The following KREMEN1 variants were observed in gnomAD, a reference collection of about 807,000 sequenced individuals.
The protein encoded by KREMEN1 is kringle containing transmembrane protein 1.
KREMEN1 carries 30 observed loss-of-function variants against 46.5 expected under a neutral mutation model. The observed-to-expected ratio is 0.65, with a 90% CI of 0.48 to 0.88. The LOEUF (loss-of-function observed/expected upper bound fraction) is 0.88. Ranked by LOEUF, KREMEN1 falls within the 40% of genes least tolerant of loss-of-function variation. The pLI is 0.00. For synonymous variants in KREMEN1, 214 were observed against 230.6 expected (o/e 0.93, Z 0.65); for missense variants, 533 against 596.9 (o/e 0.89, Z 1.11).
chr22:29,112,586 A>AT (rs2038170158), intron 3 of KREMEN1, among the ~76,000 whole-genome samples: 1 of 152,192 alleles, frequency 6.6e-6, no homozygotes, highest in Admixed American at 6.5e-5. Context: ...CTCCTCCAAA[A>AT]TTTTTATCTT....
chr22:29,135,103 A>G (rs2038635309), intron 5 of KREMEN1, among the ~76,000 whole-genome samples: 1 of 152,126 alleles, frequency 6.6e-6, no homozygotes, highest in South Asian at 2.1e-4. Flanking sequence ...TCTGTGGTGG[A>G]TCTTGGGAAG....
intron 3 of KREMEN1, among the ~76,000 whole-genome samples, chr22:29,107,100 A>C (rs368540545): frequency 6.6e-6 from 1 of 152,280 alleles, no homozygotes; most frequent in East Asian, 1.9e-4. Flanking sequence ...CCCACTGCAC[A>C]AAACAGTTCG....
chr22:29,160,368 T>G (rs1244050165), intron 9 of KREMEN1, among the ~76,000 whole-genome samples: 1 of 61,320 alleles, frequency 1.6e-5, no homozygotes, highest in Admixed American at 2.2e-4. Flanking sequence ...CTGTCTCAAC[T>G]AAAAATACAA....
chr22:29,087,807 C>T (rs532831207), intron 1 of KREMEN1, among the ~76,000 whole-genome samples: 9 of 152,238 alleles, frequency 5.9e-5, no homozygotes, highest in South Asian at 2.1e-4. Flanking sequence ...TCAGGTGATC[C>T]GCACACCTTG....
downstream of KREMEN1, among the ~76,000 whole-genome samples, chr22:29,150,364 T>G (rs564134805): frequency 6.6e-6 from 1 of 152,238 alleles, no homozygotes; most frequent in Non-Finnish European, 1.5e-5. Flanking sequence ...TAGCTCTGGG[T>G]GACTGAGCGG....
chr22:29,103,230 G>T (rs1410962605), intron 3 of KREMEN1, among the ~76,000 whole-genome samples: 1 of 152,170 alleles, frequency 6.6e-6, no homozygotes, highest in Non-Finnish European at 1.5e-5. Flanking sequence ...CCTGTGACAT[G>T]ATCAGATTCC....
intron 9 of KREMEN1, among the ~76,000 whole-genome samples, chr22:29,155,275 C>G (rs2038951691): frequency 1.3e-5 from 2 of 152,204 alleles, no homozygotes; most frequent in African/African-American, 4.8e-5. Context: ...TTGCTTACGC[C>G]TGTAATCCCA....
At chr22:29,082,722 C>G (rs2037675166) in intron 1 of KREMEN1, among the ~76,000 whole-genome samples, 1 of 152,204 alleles carries the variant, frequency 6.6e-6, no homozygotes, top group South Asian at 2.1e-4. Context: ...TCAAGGTAAT[C>G]AAGTCCTTTA....
chr22:29,095,119 T>A (rs1724180151), intron 2 of KREMEN1, among the ~76,000 whole-genome samples: 2 of 152,038 alleles, frequency 1.3e-5, no homozygotes, highest in Non-Finnish European at 2.9e-5. Context: ...GACCCAAATC[T>A]CCCTCTGCTT....
At chr22:29,098,460 C>T (rs1394705408) in intron 2 of KREMEN1, among the ~76,000 whole-genome samples, 6 of 152,280 alleles carry the variant, frequency 3.9e-5, no homozygotes, top group East Asian at 1.9e-4. Context: ...CCCAAATTGC[C>T]GCTCTGACCA....
chr22:29,151,497 A>G (rs2038914643), downstream of KREMEN1, among the ~76,000 whole-genome samples: 2 of 152,180 alleles, frequency 1.3e-5, no homozygotes, highest in Admixed American at 1.3e-4. Context: ...GATGACTCCA[A>G]CAAGCCCTGG....
At chr22:29,094,507 G>A in intron 2 of KREMEN1, 87 bp downstream of exon 2, 4 of 1,221,882 alleles carry the variant, frequency 3.3e-6, no homozygotes, top group South Asian at 3.0e-5. Context: ...TCACAACTAG[G>A]GGAAGTCTTT....
intron 3 of KREMEN1, among the ~76,000 whole-genome samples, chr22:29,102,999 T>C (rs1213301436): frequency 6.6e-6 from 1 of 152,186 alleles, no homozygotes; most frequent in Non-Finnish European, 1.5e-5. Context: ...ATTGTACTTC[T>C]AGTGTGTCTG....
At chr22:29,129,695 T>C (rs944768112) in intron 5 of KREMEN1, among the ~76,000 whole-genome samples, 4 of 152,126 alleles carry the variant, frequency 2.6e-5, no homozygotes, top group South Asian at 2.1e-4. Context: ...GTTTGCTCTT[T>C]GGCAGACAGA....
Position 29,144,064 on chromosome 22 carries a change from C to T in KREMEN1, c.*1952C>T. The stretch of plus-strand genomic sequence containing the variant: ...CTTTGTCAACAGCAGCTGAGAAAAG[C>T]AGCCTGTGCCTCTGCTGGCCAGGCC... On this transcript the variant is annotated 3_prime_UTR_variant, in exon 9 of 9. Coordinates refer to ENST00000400335, the MANE Select transcript of KREMEN1 (RefSeq NM_001039570.3). 1 of 985,550 alleles carries T rather than the reference C, an allele frequency of 1.0e-6. No individual in the cohort carries two copies. Among genetic ancestry groups the T allele is most frequent in the Non-Finnish European group, 1.2e-6 (1 of 830,000 alleles). 61.1% of individuals were successfully genotyped at this position (985,550 alleles called of 1,614,324 possible).
At position 29,142,797 on chromosome 22, in the gene KREMEN1, A is replaced by T. The variant is rs1190254158; in HGVS notation, c.*685A>T. 13 of 985,308 alleles carry T rather than the reference A, an allele frequency of 1.3e-5. No individual in the cohort carries two copies. The highest frequency in any genetic ancestry group is 1.6e-5 in the Non-Finnish European group (13 of 829,942). 61.0% of individuals were successfully genotyped at this position (985,308 alleles called of 1,614,324 possible). ...ACCTTACACATGGGCTTCTTTCTAG[A>T]TTCTTCTTTCCATAGCTCATGGAGC... On this transcript the variant is annotated 3_prime_UTR_variant, in exon 9 of 9. Coordinates refer to ENST00000400335, the MANE Select transcript of KREMEN1 (RefSeq NM_001039570.3).
chr22:29,116,349 A>T (rs904521599), intron 3 of KREMEN1, among the ~76,000 whole-genome samples: 2 of 152,144 alleles, frequency 1.3e-5, no homozygotes, highest in Non-Finnish European at 2.9e-5. Context: ...ATATTGTAGG[A>T]GGTAGAATTG....
intron 7 of KREMEN1, 177 bp downstream of exon 7, chr22:29,138,959 G>A: frequency 2.2e-6 from 2 of 903,742 alleles, no homozygotes; most frequent in Non-Finnish European, 3.4e-6. Context: ...TTATTAGCTT[G>A]GTTCCTTAGT....
In KREMEN1 at chr22:29,143,496, A is replaced by C. The variant is rs576322076; in HGVS notation, c.*1384A>C. ...GGTGGCTCATGCCTGTAATCCCAGC[A>C]CTTTGGGAGGCTGAGGCGGGTGGAT... On this transcript the variant is annotated 3_prime_UTR_variant, in exon 9 of 9. Transcript: ENST00000400335. The C allele has an allele frequency of 4.1e-6, 4 of 974,032 alleles. No individual in the cohort carries two copies. The highest frequency in any genetic ancestry group is 4.9e-6 in the Non-Finnish European group (4 of 819,530). 60.3% of individuals were successfully genotyped at this position (974,032 alleles called of 1,614,324 possible).
Sources: gnomAD v4.1 joint callset for allele counts (sites outside exome capture counted in the v4.1 genomes callset) on GRCh38, gnomAD v4.1.1 for gene constraint, MANE v1.5 for transcripts, NCBI Gene and HGNC (gene_info 2026-07-23, HGNC 2026-07-21) for gene names.